Variants in TNS1 observed in about 807,000 individuals in gnomAD.
TNS1 encodes the protein tensin 1.
A neutral mutation model predicts 168.6 loss-of-function variants in TNS1; 62 were observed. The ratio of observed to expected loss-of-function variants is 0.37; its 90% confidence interval spans 0.30 to 0.45. The LOEUF is 0.45. Among genes scored for constraint, TNS1 ranks in the 20% least tolerant of loss-of-function variants. The probability of loss-of-function intolerance (pLI) is 1.00; values close to 1 mark genes in which losing one functional copy is unlikely to be tolerated. For missense variants in TNS1, 2,240 were observed against 2,339.4 expected (o/e 0.96, Z 0.88); for synonymous variants, 934 against 933.2 (o/e 1.00, Z -0.02).
intron 4 of TNS1, among the ~76,000 whole-genome samples, chr2:217,911,489 C>T (rs1954403534): frequency 6.6e-6 from 1 of 152,278 alleles, no homozygotes; most frequent in Admixed American, 6.5e-5. Flanking sequence ...GCCTCACTCT[C>T]TGGCCCTCAT....
At chr2:217,872,134 T>G (rs985434956) in intron 18 of TNS1, among the ~76,000 whole-genome samples, 6 of 152,236 alleles carry the variant, frequency 3.9e-5, no homozygotes, top group Admixed American at 3.9e-4. Context: ...TGTGACCAGA[T>G]GTTAACGTGA....
intron 19 of TNS1, 86 bp downstream of exon 19, chr2:217,847,424 T>C: frequency 7.8e-7 from 1 of 1,279,474 alleles, no homozygotes. Context: ...CAACATCTGC[T>C]TAGGGGTCAT....
upstream of TNS1, among the ~76,000 whole-genome samples, chr2:218,007,565 G>GT (rs1491223776): frequency 4.7e-4 from 45 of 94,742 alleles, 2 homozygotes; most frequent in Admixed American, 1.9e-3. Flanking sequence ...GGCTCGGGGG[G>GT]TGGGGGGGGG....
intron 18 of TNS1, among the ~76,000 whole-genome samples, chr2:217,862,172 C>T (rs1948840930): frequency 6.6e-6 from 1 of 152,028 alleles, no homozygotes; most frequent in Non-Finnish European, 1.5e-5. Flanking sequence ...CAGCTGCATG[C>T]ATAAATAGGA....
rs1553620892 is a variant in TNS1, at chr2:217,961,260, C to CACAGAGAGAGAG, written c.186+17504_186+17505insCTCTCTCTCTGT. ...TCACACACACACACACACACACACACAGAGAGAGAGAGAGAGAGAGGCTGA... is the reference window on the plus strand; with the variant it reads ...TCACACACACACACACACACACACACACAGAGAGAGAGAGAGAGAGAGAGAGAGAGAGGCTGA... On this transcript the variant is annotated intron_variant, in intron 3 of 32. Transcript: ENST00000682258. Among the ~76,000 whole-genome samples, 173 of 139,912 alleles carry CACAGAGAGAGAG rather than the reference C, an allele frequency of 1.2e-3. 5 individuals carry two copies. Among genetic ancestry groups the CACAGAGAGAGAG allele is most frequent in the Non-Finnish European group, 1.0e-3 (66 of 65,984 alleles). The allele number at this position is 139,912 out of a possible 152,430, so 91.8% of individuals were successfully genotyped here. A position where few individuals can be genotyped will look rare whatever the true frequency, so the allele number is the denominator to read the frequency against.
intron 14 of TNS1, 109 bp from the exon 15 acceptor site, chr2:217,885,928 T>G (rs1456276777): frequency 1.9e-6 from 3 of 1,555,406 alleles, no homozygotes; most frequent in Non-Finnish European, 2.7e-6. Flanking sequence ...GAAACCTCTC[T>G]GACTCTGTCC....
intron 19 of TNS1, among the ~76,000 whole-genome samples, chr2:217,837,397 G>A (rs1945318409): frequency 6.6e-6 from 1 of 152,192 alleles, no homozygotes; most frequent in Admixed American, 6.5e-5. Context: ...AGCGCCACCT[G>A]GGAAGCCTTC....
intron 19 of TNS1, among the ~76,000 whole-genome samples, chr2:217,844,536 T>C (rs552003807): frequency 6.6e-6 from 1 of 152,296 alleles, no homozygotes; most frequent in East Asian, 1.9e-4. Context: ...TGTGCTCTCC[T>C]GTCTTCACTG....
chr2:217,922,115 C>G (rs537199757), intron 3 of TNS1, among the ~76,000 whole-genome samples: 75 of 152,198 alleles, frequency 4.9e-4, no homozygotes, highest in Non-Finnish European at 9.7e-4. Context: ...GAAGAGGCCT[C>G]TGAGAGACAG....
intron 4 of TNS1, among the ~76,000 whole-genome samples, chr2:217,912,344 C>T (rs865785052): frequency 6.6e-6 from 1 of 152,234 alleles, no homozygotes; most frequent in African/African-American, 2.4e-5. Context: ...GCGGGCTCAG[C>T]CTCCGGAGGA....
rs556013566 is a variant in TNS1 at position 218,017,708 on chromosome 2, T to G, written c.156+16112A>C. On this transcript the variant is annotated intron_variant, in intron 1 of 1. Coordinates refer to the TNS1 transcript ENST00000649572. Reference sequence around the variant, plus strand: ...GCTTCTTCTTCTGTAAAATGGAGACTAGGTTCCTAACCTCATGGAGTAATC... The same window carrying G: ...GCTTCTTCTTCTGTAAAATGGAGACGAGGTTCCTAACCTCATGGAGTAATC... Among the ~76,000 whole-genome samples, 5 of 152,376 alleles carry G rather than the reference T, an allele frequency of 3.3e-5. No homozygotes were observed. In the South Asian group the frequency reaches 8.3e-4, roughly 25 times the overall value.
intron 18 of TNS1, among the ~76,000 whole-genome samples, chr2:217,864,736 C>A (rs1311331756): frequency 1.3e-5 from 2 of 152,214 alleles, no homozygotes; most frequent in Non-Finnish European, 2.9e-5. Flanking sequence ...TAGAACACTG[C>A]CTCAGGGCTG....
chr2:217,934,539 G>C (rs1051231257), intron 3 of TNS1, among the ~76,000 whole-genome samples: 2 of 152,180 alleles, frequency 1.3e-5, no homozygotes, highest in Non-Finnish European at 1.5e-5. Flanking sequence ...CTCCCACTCT[G>C]TTCCCTTTGG....
chr2:217,931,329 T>C (rs1419763337), intron 3 of TNS1, among the ~76,000 whole-genome samples: 5 of 152,170 alleles, frequency 3.3e-5, no homozygotes, highest in Admixed American at 1.3e-4. Context: ...CAAAAGTCTT[T>C]GACCTTAGCT....
At chr2:217,889,959 A>T (rs1324927242) in intron 12 of TNS1, among the ~76,000 whole-genome samples, 1 of 152,174 alleles carries the variant, frequency 6.6e-6, no homozygotes, top group East Asian at 1.9e-4. Flanking sequence ...GATGTCTTTG[A>T]GCAACATGTC....
At chr2:217,886,696 A>G (rs756139626) in intron 12 of TNS1, 50 bp from the exon 13 acceptor site, 2 of 1,349,384 alleles carry the variant, frequency 1.5e-6, no homozygotes, top group Non-Finnish European at 2.1e-6. Flanking sequence ...GTACTGGTGC[A>G]GTAATCCCTG....
intron 21 of TNS1, among the ~76,000 whole-genome samples, chr2:217,832,398 C>G (rs1420859040): frequency 2.6e-5 from 4 of 152,222 alleles, no homozygotes; most frequent in Admixed American, 1.3e-4. Context: ...CTGTTATGCC[C>G]AGTCACGAGA....
rs993032674 is a variant in TNS1 at position 217,948,966 on chromosome 2, G to A, written c.187-28730C>T. Among the ~76,000 whole-genome samples the A allele has an allele frequency of 5.3e-5, 8 of 152,160 alleles. No individual in the cohort carries two copies. Among genetic ancestry groups the A allele is most frequent in the African/African-American group, 1.4e-4 (6 of 41,434 alleles). On this transcript the variant is annotated intron_variant, in intron 3 of 32. Transcript: ENST00000682258. The surrounding 1 kb of genome is among the most constrained non-coding windows in gnomAD (Gnocchi z 4.1). ...ATTTGTACCATAGTGTCAGGGCAGA[G>A]GATGGAAAGGGAAGGAGAGTCGGGG...
chr2:217,824,637 CT>C (rs1160894225), intron 22 of TNS1, among the ~76,000 whole-genome samples: 3 of 152,140 alleles, frequency 2.0e-5, no homozygotes, highest in Admixed American at 6.5e-5. Context: ...TGTCTTTAGT[CT>C]TGGGCAACTG....
Sources: gnomAD v4.1 joint callset for allele counts (sites outside exome capture counted in the v4.1 genomes callset) on GRCh38, gnomAD v4.1.1 for gene constraint, Gnocchi (gnomAD v3.1) non-coding constraint, MANE v1.5 for transcripts, NCBI Gene and HGNC (gene_info 2026-07-23, HGNC 2026-07-21) for gene names.